CADPS: variants seen among roughly 807,000 people sequenced by gnomAD.
CADPS encodes the protein calcium dependent secretion activator.
CADPS carries 57 observed loss-of-function variants against 167.3 expected under a neutral mutation model. The observed-to-expected ratio is 0.34, with a 90% CI of 0.28 to 0.42. CADPS has a LOEUF of 0.42. Among genes scored for constraint, CADPS ranks in the 20% least tolerant of loss-of-function variants. The pLI is 1.00. For missense variants in CADPS, 1,414 were observed against 1,738.1 expected, an observed-to-expected ratio of 0.81 and a Z score of 3.32; for synonymous variants, 676 against 635.3, an observed-to-expected ratio of 1.06 and a Z score of -0.96.
intron 5 of CADPS, 150 bp from the exon 6 acceptor site, chr3:62,645,993 C>G: frequency 1.2e-6 from 1 of 806,156 alleles, no homozygotes; most frequent in South Asian, 1.8e-5. Context: ...TGGGACCAGT[C>G]TAGCACGAAG....
chr3:62,410,770 A>G (rs1225593218), intron 28 of CADPS, among the ~76,000 whole-genome samples: 2 of 151,896 alleles, frequency 1.3e-5, no homozygotes, highest in African/African-American at 2.4e-5. Flanking sequence ...AGAAATCACA[A>G]CTCCTTGAGT....
chr3:62,850,706 T>C (rs1228718356), intron 1 of CADPS, among the ~76,000 whole-genome samples: 1 of 151,972 alleles, frequency 6.6e-6, no homozygotes, highest in Non-Finnish European at 1.5e-5. Context: ...ATGTGGTCAA[T>C]TTTGGAATAG....
intron 3 of CADPS, among the ~76,000 whole-genome samples, chr3:62,665,404 A>C (rs2074229755): frequency 6.6e-6 from 1 of 152,164 alleles, no homozygotes; most frequent in Admixed American, 6.5e-5. Flanking sequence ...GGATGTGGAA[A>C]CTGAGTCTTG....
chr3:62,835,139 T>C (rs1194912036), intron 1 of CADPS, among the ~76,000 whole-genome samples: 2 of 152,202 alleles, frequency 1.3e-5, no homozygotes, highest in African/African-American at 4.8e-5. Context: ...AGTAATAGCT[T>C]TTGAATTGGA....
chr3:62,548,495 TAGAC>T (rs1306199925), intron 11 of CADPS, among the ~76,000 whole-genome samples: 4 of 152,238 alleles, frequency 2.6e-5, no homozygotes, highest in Non-Finnish European at 5.9e-5. Flanking sequence ...GAGCATCTGA[TAGAC>T]AGAATTTGTG....
At chr3:62,803,205 T>C (rs2093880819) in intron 1 of CADPS, among the ~76,000 whole-genome samples, 1 of 152,128 alleles carries the variant, frequency 6.6e-6, no homozygotes, top group South Asian at 2.1e-4. Flanking sequence ...AAGTATCCAC[T>C]AGCTGGGGAA....
chr3:62,722,397 A>C (rs947350173), intron 3 of CADPS, among the ~76,000 whole-genome samples: 3 of 152,300 alleles, frequency 2.0e-5, no homozygotes, highest in African/African-American at 4.8e-5. Context: ...TGTGGTGAAG[A>C]CCACCCTCAA....
chr3:62,531,950 A>T (rs897934741), intron 13 of CADPS, among the ~76,000 whole-genome samples: 2 of 152,200 alleles, frequency 1.3e-5, no homozygotes, highest in Admixed American at 1.3e-4. Flanking sequence ...CAGAGTCAGG[A>T]GACTTGACGT....
intron 4 of CADPS, among the ~76,000 whole-genome samples, chr3:62,652,444 C>T (rs1345435590): frequency 6.7e-6 from 1 of 150,330 alleles, no homozygotes; most frequent in Non-Finnish European, 1.5e-5. Context: ...AACATATGGG[C>T]ATCTGAGTCA....
intron 1 of CADPS, among the ~76,000 whole-genome samples, chr3:62,850,440 T>A (rs1178879703): frequency 9.1e-6 from 1 of 109,678 alleles, no homozygotes; most frequent in Non-Finnish European, 2.0e-5. Flanking sequence ...TACACACTGC[T>A]TTGAATGCGT....
intron 3 of CADPS, among the ~76,000 whole-genome samples, chr3:62,744,598 T>C (rs190811509): frequency 7.9e-4 from 120 of 152,334 alleles, no homozygotes; most frequent in Admixed American, 1.2e-3. Context: ...ATCATAGATT[T>C]TGTTGTTTGG....
chr3:62,626,561 T>G (rs1563061067), intron 6 of CADPS: 1 of 702,686 alleles, frequency 1.4e-6, no homozygotes, highest in Non-Finnish European at 2.6e-6. Flanking sequence ...CTCTTCTGTT[T>G]CTCCTGATTA....
rs1336985003 is a variant in CADPS at position 62,601,637 on chromosome 3, C to T, written c.1326-8889G>A. On this transcript the variant is annotated intron_variant, in intron 6 of 29. Transcript: ENST00000383710. The surrounding 1 kb of genome is among the most constrained non-coding windows in gnomAD (Gnocchi z 4.3). Reference sequence around the variant, plus strand: ...GAAAATTGGGGCTTGTGTATCATAGCATTTCAGACACGTGGTGCCCAAATG... The same window carrying T: ...GAAAATTGGGGCTTGTGTATCATAGTATTTCAGACACGTGGTGCCCAAATG... Among the ~76,000 whole-genome samples, 1 of 152,158 alleles carries T rather than the reference C, an allele frequency of 6.6e-6. No individual in the cohort carries two copies. Among genetic ancestry groups the T allele is most frequent in the Non-Finnish European group, 1.5e-5 (1 of 68,032 alleles).
In CADPS at chr3:62,421,668, AG is replaced by A. The variant is rs1369108400; in HGVS notation, c.3777+16435del. Among the ~76,000 whole-genome samples the A allele has an allele frequency of 6.6e-6, 1 of 151,570 alleles. No homozygotes were observed. Among genetic ancestry groups the A allele is most frequent in the Non-Finnish European group, 1.5e-5 (1 of 67,920 alleles). ...CGCTTCCCCCTTTTCCCCCCAAAGG[AG>A]GGGGAAGGGGGGACTTTGCCCAAGC... On this transcript the variant is annotated intron_variant, in intron 28 of 29. Transcript: ENST00000383710. This position sits in a 1 kb window ranked among gnomAD's most constrained non-coding sequence, Gnocchi z 4.7.
intron 8 of CADPS, among the ~76,000 whole-genome samples, chr3:62,575,908 T>C (rs1267780247): frequency 3.3e-5 from 5 of 152,198 alleles, no homozygotes; most frequent in Non-Finnish European, 7.3e-5. Flanking sequence ...CCTCGGAATT[T>C]ATTGCTAATT....
intron 1 of CADPS, among the ~76,000 whole-genome samples, chr3:62,806,439 G>T (rs2152836754): frequency 6.6e-6 from 1 of 152,136 alleles, no homozygotes; most frequent in South Asian, 2.1e-4. Flanking sequence ...GGCTGAGGCA[G>T]GAAGATTGCT....
At chr3:62,795,758 C>T (rs1278451998) in intron 1 of CADPS, among the ~76,000 whole-genome samples, 1 of 152,166 alleles carries the variant, frequency 6.6e-6, no homozygotes, top group Non-Finnish European at 1.5e-5. Context: ...CTTCTGTCTA[C>T]TACTGGTATT....
Position 62,437,969 on chromosome 3 carries a change from G to T in CADPS, c.3777+135C>A, listed in dbSNP as rs2055493203. The T allele has an allele frequency of 8.0e-6, 5 of 623,796 alleles. No individual in the cohort carries two copies. The South Asian group carries it at 9.7e-5, about 12-fold the overall frequency. 38.6% of individuals were successfully genotyped at this position (623,796 alleles called of 1,614,324 possible). A position where few individuals can be genotyped will look rare whatever the true frequency, so the allele number is the denominator to read the frequency against. On this transcript the variant is annotated intron_variant, in intron 28 of 29. Coordinates refer to ENST00000383710, the MANE Select transcript of CADPS (RefSeq NM_003716.4). ...AAGACAGATAAGAGCCTAAGGCAGAGGGAGAGGAAAAGATTTAGTCTGAAT... is the reference window on the plus strand; with the variant it reads ...AAGACAGATAAGAGCCTAAGGCAGATGGAGAGGAAAAGATTTAGTCTGAAT...
chr3:62,543,836 T>C (rs569714145), intron 11 of CADPS, among the ~76,000 whole-genome samples: 4 of 152,290 alleles, frequency 2.6e-5, no homozygotes, highest in East Asian at 3.9e-4. Flanking sequence ...TTTTGGTTGA[T>C]AGTTTTTTCC....
Sources: gnomAD v4.1 joint callset for allele counts (sites outside exome capture counted in the v4.1 genomes callset) on GRCh38, gnomAD v4.1.1 for gene constraint, Gnocchi (gnomAD v3.1) non-coding constraint, MANE v1.5 for transcripts, NCBI Gene and HGNC (gene_info 2026-07-23, HGNC 2026-07-21) for gene names.